RCC1L: variants seen among roughly 807,000 people sequenced by gnomAD.
RCC1L encodes the protein RCC1 like, also known as RCC1-like G exchanging factor-like protein.
RCC1L carries 46 observed loss-of-function variants against 58.6 expected under a neutral mutation model. The ratio of observed to expected loss-of-function variants is 0.79; its 90% CI spans 0.62 to 1.00. The LOEUF (loss-of-function observed/expected upper bound fraction) is 1.00. Ranked by LOEUF, RCC1L falls within the 50% of genes least tolerant of loss-of-function variation. The probability of loss-of-function intolerance (pLI) is 0.00; values close to 1 mark genes in which losing one functional copy is unlikely to be tolerated. For synonymous variants in RCC1L, 281 were observed against 262.9 expected (o/e 1.07, Z -0.67); for missense variants, 636 against 623.6 (o/e 1.02, Z -0.21).
At chr7:75,063,380 G>A (rs1248516651) in intron 4 of RCC1L, 37 bp from the exon 5 acceptor site, 1 of 1,611,302 alleles carries the variant, frequency 6.2e-7, no homozygotes, top group South Asian at 1.1e-5. Flanking sequence ...AGCAAGGGAT[G>A]CGGTCATGAC....
rs1246725138 is a variant in RCC1L, at chr7:75,073,782, G to A, written c.-45C>T. On this transcript the variant is annotated 5_prime_UTR_variant, in exon 1 of 11. It adds an upstream start codon to the 5' untranslated region. Transcript: ENST00000610322. ...CAGCCTCTGGGCGCCGCCATCTTGC[G>A]TGACCCTTAACACCAGTCCTCGCCG... The A allele has an allele frequency of 1.1e-5, 17 of 1,493,712 alleles. No individual in the cohort carries two copies. The African/African-American group carries it at 2.3e-4, about 20-fold the overall frequency. The allele number at this position is 1,493,712 out of a possible 1,614,324, so 92.5% of individuals were successfully genotyped here.
Position 75,070,828 on chromosome 7 carries a change from T to A in RCC1L, c.325-59A>T, listed in dbSNP as rs1037581364. On this transcript the variant is annotated intron_variant, in intron 1 of 10. Coordinates refer to ENST00000610322, the MANE Select transcript of RCC1L (RefSeq NM_030798.5). ...TTATAATGTCAAGTTTGTTCAGTAG[T>A]AAATGACAGGTTATTTATCAAATCC... is the stretch of plus-strand genomic sequence containing the variant. The A allele has an allele frequency of 1.1e-5, 17 of 1,596,064 alleles. No individual in the cohort carries two copies. In the African/African-American group the frequency reaches 2.0e-4, roughly 19 times the overall value.
intron 10 of RCC1L, among the ~76,000 whole-genome samples, chr7:75,048,607 C>G (rs894845217): frequency 6.6e-6 from 1 of 152,258 alleles, no homozygotes; most frequent in Admixed American, 6.5e-5. Flanking sequence ...TGTCCATGCC[C>G]TGCCCTCCCC....
At chr7:75,069,003 G>T (rs1806619955) in intron 2 of RCC1L, among the ~76,000 whole-genome samples, 1 of 151,792 alleles carries the variant, frequency 6.6e-6, no homozygotes, top group Non-Finnish European at 1.5e-5. Context: ...CGAATAGCTG[G>T]GATTACAGGC....
rs1364467543 is a variant in RCC1L, at chr7:75,043,213, TAGG to T, written c.1318-107_1318-105del. On this transcript the variant is annotated intron_variant, in intron 10 of 10. Coordinates refer to ENST00000610322, the MANE Select transcript of RCC1L (RefSeq NM_030798.5). ...CCCTGCCTCTCAGTAGGAGACTCAG[TAGG>T]AGACAGCTTGTCTCAGCAGGAGACA... The T allele has an allele frequency of 8.6e-6, 11 of 1,281,460 alleles. No homozygotes were observed. The African/African-American group carries it at 1.6e-4, about 19-fold the overall frequency. The allele number at this position is 1,281,460 out of a possible 1,614,324, so 79.4% of individuals were successfully genotyped here.
rs1805271386 is a variant in RCC1L, at chr7:75,030,475, A to AT, written c.1318-2397_1318-2396insA. On this transcript the variant is annotated intron_variant, in intron 10 of 10. Transcript: ENST00000614461. ...ACCCCACTTGTCAGAACTACTCTGG[A>AT]GGGGGGCAAAGGTGTCAGGAACAGT... 2.0e-5 allele frequency among the ~76,000 whole-genome samples: 3 copies of AT among 152,056 alleles called. 1 individual carries two copies. In the South Asian group the frequency reaches 6.2e-4, roughly 32 times the overall value.
At chr7:75,037,022 G>A (rs1449285332) in intron 10 of RCC1L, among the ~76,000 whole-genome samples, 1 of 152,132 alleles carries the variant, frequency 6.6e-6, no homozygotes, top group African/African-American at 2.4e-5. Context: ...GAACTCAAAC[G>A]GGGCATCCTT....
At chr7:75,063,479 A>C (rs1472208464) in intron 4 of RCC1L, 136 bp from the exon 5 acceptor site, 2 of 978,144 alleles carry the variant, frequency 2.0e-6, no homozygotes, top group Non-Finnish European at 3.3e-6. Flanking sequence ...TCTCAAGGTC[A>C]AATCTTAGGT....
At chr7:75,071,960 T>A (rs1806745113) in intron 1 of RCC1L, among the ~76,000 whole-genome samples, 2 of 149,508 alleles carry the variant, frequency 1.3e-5, no homozygotes, top group African/African-American at 4.9e-5. Context: ...TATGAAAAAA[T>A]CAAAATTTAA....
At chr7:75,056,471 C>A in intron 8 of RCC1L, 1 of 1,444,164 alleles carries the variant, frequency 6.9e-7, no homozygotes. Context: ...CCAAACACAT[C>A]AACAATGTCT....
downstream of RCC1L, among the ~76,000 whole-genome samples, chr7:75,040,503 T>C (rs1213863857): frequency 6.6e-6 from 1 of 152,008 alleles, no homozygotes; most frequent in Non-Finnish European, 1.5e-5. Flanking sequence ...TGTATCTTGG[T>C]TGCCATTAGG....
chr7:75,062,241 TGA>T (rs1806299532), intron 5 of RCC1L, among the ~76,000 whole-genome samples: 2 of 55,944 alleles, frequency 3.6e-5, no homozygotes, highest in African/African-American at 1.7e-4. Context: ...GAAGGAGGCC[TGA>T]CATGGTGGCT....
Position 75,055,953 on chromosome 7 carries a change from T to C in RCC1L, c.1179A>G (p.Glu393=), listed in dbSNP as rs781915888. 32 of 1,613,862 alleles carry C rather than the reference T, an allele frequency of 2.0e-5. No individual in the cohort carries two copies. Among genetic ancestry groups the C allele is most frequent in the Non-Finnish European group, 2.4e-5 (28 of 1,179,880 alleles). ...CACATCGGATGCGGGAAACCTGGAT[T>C]TCTGGGTTGAACTCCGTCAAGCCAA... ...TLFGLTEFNP[E]IQVSRIRCGL... Residue 393 remains glutamate, a synonymous_variant, in exon 9 of 11, where the codon GAA becomes GAG. Coordinates refer to ENST00000610322, the MANE Select transcript of RCC1L (RefSeq NM_030798.5).
At chr7:75,048,637 TTGTC>T (rs1395813315) in intron 10 of RCC1L, among the ~76,000 whole-genome samples, 10 of 152,228 alleles carry the variant, frequency 6.6e-5, no homozygotes, top group Admixed American at 4.6e-4. Flanking sequence ...GCTGGAATGT[TTGTC>T]TGTGGAAAGC....
chr7:75,044,315 T>C (rs141511465), intron 10 of RCC1L, among the ~76,000 whole-genome samples: 82,171 of 152,066 alleles, frequency 0.54, 23,905 homozygotes, highest in East Asian at 0.89. Flanking sequence ...TTAAATGATT[T>C]TTATGCCGGG....
downstream of RCC1L, among the ~76,000 whole-genome samples, chr7:75,040,877 C>T (rs1260922499): frequency 6.6e-6 from 1 of 152,168 alleles, no homozygotes; most frequent in African/African-American, 2.4e-5. Flanking sequence ...CTCATGGCCG[C>T]AGGTCACAGC....
chr7:75,055,263 G>A (rs1006798702), intron 9 of RCC1L, among the ~76,000 whole-genome samples: 1 of 152,156 alleles, frequency 6.6e-6, no homozygotes, highest in South Asian at 2.1e-4. Flanking sequence ...CGGTAACTGT[G>A]GTGGAGTAAG....
intron 10 of RCC1L, among the ~76,000 whole-genome samples, chr7:75,048,583 C>T (rs1408289043): frequency 2.6e-5 from 4 of 152,262 alleles, no homozygotes; most frequent in Admixed American, 6.5e-5. Context: ...ATGGACATCA[C>T]GTGCCCAGCA....
chr7:75,065,129 G>A (rs1338392913), intron 3 of RCC1L, among the ~76,000 whole-genome samples: 1 of 151,302 alleles, frequency 6.6e-6, no homozygotes, highest in Non-Finnish European at 1.5e-5. Context: ...ACAGCCTTGT[G>A]TGTGATCTTT....
Sources: gnomAD v4.1 joint callset for allele counts (sites outside exome capture counted in the v4.1 genomes callset) on GRCh38, gnomAD v4.1.1 for gene constraint, MANE v1.5 for transcripts, NCBI Gene and HGNC (gene_info 2026-07-23, HGNC 2026-07-21) for gene names.